CD247: variants seen among roughly 807,000 people sequenced by gnomAD.
CD247 encodes the protein T-cell surface glycoprotein CD3 zeta chain.
CD247 carries 13 observed loss-of-function variants against 30.0 expected under a neutral mutation model. That is an observed-to-expected ratio of 0.43 (90% CI 0.28 to 0.69). CD247 has a LOEUF of 0.69. Among genes scored for constraint, CD247 ranks in the 30% least tolerant of loss-of-function variants. The probability of loss-of-function intolerance (pLI) is 0.16; values close to 1 mark genes in which losing one functional copy is unlikely to be tolerated. For synonymous variants in CD247, 72 were observed against 80.0 expected, an observed-to-expected ratio of 0.90 and a Z score of 0.53; for missense variants, 193 against 212.6, an observed-to-expected ratio of 0.91 and a Z score of 0.57.
intron 1 of CD247, among the ~76,000 whole-genome samples, chr1:167,504,099 G>A (rs35695553): frequency 0.11 from 16,671 of 152,142 alleles, 930 homozygotes; most frequent in South Asian, 0.14. Context: ...GGTTCATGGC[G>A]GGGGGAGCGA....
chr1:167,466,725 T>C (rs191343704), intron 1 of CD247, among the ~76,000 whole-genome samples: 3 of 152,314 alleles, frequency 2.0e-5, no homozygotes, highest in African/African-American at 2.4e-5. Context: ...CTGTGGAAAG[T>C]CAAGTGAGTA....
At chr1:167,477,010 T>C (rs1264904934) in intron 1 of CD247, among the ~76,000 whole-genome samples, 1 of 152,218 alleles carries the variant, frequency 6.6e-6, no homozygotes, top group African/African-American at 2.4e-5. Flanking sequence ...TTATCATACA[T>C]AGATGGAAGA....
intron 1 of CD247, among the ~76,000 whole-genome samples, chr1:167,508,956 G>T (rs1655264228): frequency 6.6e-6 from 1 of 152,168 alleles, no homozygotes; most frequent in South Asian, 2.1e-4. Context: ...CAGTGGGCTG[G>T]TTGAGCCAAC....
chr1:167,504,313 A>G (rs1226776604), intron 1 of CD247, among the ~76,000 whole-genome samples: 1 of 152,262 alleles, frequency 6.6e-6, no homozygotes, highest in Non-Finnish European at 1.5e-5. Context: ...CCAGCCAGGC[A>G]TATCCCTCTC....
intron 1 of CD247, among the ~76,000 whole-genome samples, chr1:167,508,838 T>C (rs1254779264): frequency 1.3e-5 from 2 of 152,206 alleles, no homozygotes; most frequent in Admixed American, 6.5e-5. Context: ...AAGACAAATT[T>C]AGACTTTTTT....
chr1:167,444,550 CT>C (rs1485324982), intron 1 of CD247, among the ~76,000 whole-genome samples: 3 of 152,180 alleles, frequency 2.0e-5, no homozygotes, highest in Non-Finnish European at 4.4e-5. Flanking sequence ...GCCCCAGAGA[CT>C]AATAGAGCAT....
chr1:167,478,257 T>C (rs768269672), intron 1 of CD247, among the ~76,000 whole-genome samples: 2 of 152,198 alleles, frequency 1.3e-5, no homozygotes, highest in South Asian at 4.1e-4. Flanking sequence ...CAGACTTCCT[T>C]GGGCAGGTTA....
intron 1 of CD247, among the ~76,000 whole-genome samples, chr1:167,455,428 G>A (rs1652598638): frequency 6.6e-6 from 1 of 152,194 alleles, no homozygotes; most frequent in Non-Finnish European, 1.5e-5. Context: ...GACGCCCTCC[G>A]CAAGACAGAG....
intron 1 of CD247, among the ~76,000 whole-genome samples, chr1:167,447,349 C>T (rs1185095443): frequency 6.6e-6 from 1 of 152,136 alleles, no homozygotes. Flanking sequence ...GAGCTTCCCA[C>T]CTCTTTCAGG....
rs2102085724 is a variant in CD247 at position 167,494,702 on chromosome 1, C to A, written c.58+23706G>T. Among the ~76,000 whole-genome samples the A allele has an allele frequency of 6.6e-6, 1 of 152,312 alleles. No homozygotes were observed. On this transcript the variant is annotated intron_variant, in intron 1 of 7. Coordinates refer to ENST00000362089, the MANE Select transcript of CD247 (RefSeq NM_198053.3). The surrounding 1 kb of genome is among the most constrained non-coding windows in gnomAD (Gnocchi z 7.3). ...GGATCAAAAAAGATCATGAGTAGTG[C>A]ATTCCTCGGCATTTTGTATCTCCTA...
intron 1 of CD247, among the ~76,000 whole-genome samples, chr1:167,457,933 T>A (rs1214596): frequency 0.26 from 40,129 of 152,138 alleles, 6,664 homozygotes; most frequent in Middle Eastern, 0.41. Flanking sequence ...ATTGAGAGAA[T>A]GATTGATTGA....
At chr1:167,443,058 C>G (rs1651915668) in intron 1 of CD247, among the ~76,000 whole-genome samples, 1 of 152,162 alleles carries the variant, frequency 6.6e-6, no homozygotes, top group African/African-American at 2.4e-5. Flanking sequence ...TTCTACCCCT[C>G]CACTCAACAC....
chr1:167,440,819 T>A, intron 1 of CD247, 52 bp from the exon 2 acceptor site: 1 of 1,151,334 alleles, frequency 8.7e-7, no homozygotes, highest in East Asian at 2.4e-5. Context: ...CGAGAACACA[T>A]CCCCATTACC....
At chr1:167,444,953 TCTCA>T (rs1238204242) in intron 1 of CD247, among the ~76,000 whole-genome samples, 8 of 150,686 alleles carry the variant, frequency 5.3e-5, no homozygotes. Flanking sequence ...TTAAGTGGAG[TCTCA>T]CTCTGTTGCC....
chr1:167,462,968 G>T (rs934096144), intron 1 of CD247, among the ~76,000 whole-genome samples: 1 of 151,988 alleles, frequency 6.6e-6, no homozygotes, highest in African/African-American at 2.4e-5. Flanking sequence ...TAGCCTCATT[G>T]CCTGTCTCCT....
In CD247 at chr1:167,435,708, C is replaced by T. The variant is rs150429978; in HGVS notation, c.301-274G>A. On this transcript the variant is annotated intron_variant, in intron 4 of 7. Coordinates refer to ENST00000362089, the MANE Select transcript of CD247 (RefSeq NM_198053.3). ...CATTGCCCAGGGCAGGCCATCGGGA[C>T]GCCCACACACATCACAAGCTGACAA... Among the ~76,000 whole-genome samples, 276 of 152,376 alleles carry T rather than the reference C, an allele frequency of 1.8e-3. 2 individuals are homozygous for T. Among genetic ancestry groups the T allele is most frequent in the African/African-American group, 5.0e-3 (207 of 41,582 alleles).
chr1:167,509,790 T>A (rs1392883638), intron 1 of CD247, among the ~76,000 whole-genome samples: 2 of 152,118 alleles, frequency 1.3e-5, no homozygotes, highest in Non-Finnish European at 2.9e-5. Flanking sequence ...CATCTGGGCT[T>A]AGAATTAAGG....
At chr1:167,465,585 C>T (rs1293039775) in intron 1 of CD247, among the ~76,000 whole-genome samples, 1 of 152,126 alleles carries the variant, frequency 6.6e-6, no homozygotes, top group East Asian at 1.9e-4. Context: ...TCTGCCTAGG[C>T]CTCCAAAAGT....
At position 167,440,627 on chromosome 1, in the gene CD247, AC is replaced by A. The variant is rs546021590; in HGVS notation, c.162+36del. ...CCTCTGAACATCCATCAAGTGGGGG[AC>A]CCCGTGCCCTCCTCCCAAAGCCCAG... On this transcript the variant is annotated intron_variant, in intron 2 of 7. Transcript: ENST00000362089. 831 of 1,399,546 alleles carry A rather than the reference AC, an allele frequency of 5.9e-4. 1 individual carries two copies. In the African/African-American group the frequency reaches 8.1e-3, roughly 14 times the overall value. The allele number at this position is 1,399,546 out of a possible 1,614,324, so 86.7% of individuals were successfully genotyped here.
Sources: allele counts gnomAD v4.1 joint callset (sites outside exome capture counted in the v4.1 genomes callset), GRCh38; gene constraint gnomAD v4.1.1; non-coding constraint Gnocchi (gnomAD v3.1); transcripts MANE v1.5; gene names NCBI Gene and HGNC (gene_info 2026-07-23, HGNC 2026-07-21).